BCL2L11: variants seen among roughly 807,000 people sequenced by gnomAD.
BCL2L11 encodes the protein bcl-2-like protein 11.
In BCL2L11, 15 loss-of-function variants were observed where a neutral mutation model predicts 20.6. The observed-to-expected ratio is 0.73, with a 90% CI of 0.49 to 1.12. BCL2L11 has a LOEUF of 1.12. Among genes scored for constraint, BCL2L11 ranks in the 50% most tolerant of loss-of-function variants. The pLI is 0.00. For missense variants in BCL2L11, 292 were observed against 260.9 expected (o/e 1.12, Z -0.82); for synonymous variants, 108 against 92.8 (o/e 1.16, Z -0.94).
chr2:111,122,302 A>C lies in BCL2L11; in HGVS notation c.-14+1114A>C, dbSNP rs1484334973. ...GCGGCGCAAGTCCTGCTTTGTCTCCAGGTGACTGGCTGTCCAGGACGGCGG... is the reference window on the plus strand; with the variant it reads ...GCGGCGCAAGTCCTGCTTTGTCTCCCGGTGACTGGCTGTCCAGGACGGCGG... On this transcript the variant is annotated intron_variant, in intron 1 of 3. Coordinates refer to ENST00000393256, the MANE Select transcript of BCL2L11 (RefSeq NM_138621.5). Among the ~76,000 whole-genome samples, 3 of 152,022 alleles carry C rather than the reference A, an allele frequency of 2.0e-5. No individual in the cohort carries two copies. In the East Asian group the frequency reaches 5.9e-4, roughly 30 times the overall value.
At chr2:111,160,897 G>A (rs10189017) in intron 3 of BCL2L11, among the ~76,000 whole-genome samples, 3,971 of 152,298 alleles carry the variant, frequency 0.026, 169 homozygotes, top group African/African-American at 0.089. Flanking sequence ...GTGAAAGTGT[G>A]TATTAGTCAG....
At chr2:111,155,735 C>T (rs1427625491) in intron 3 of BCL2L11, among the ~76,000 whole-genome samples, 3 of 152,180 alleles carry the variant, frequency 2.0e-5, no homozygotes, top group Admixed American at 2.0e-4. Context: ...GACAGCAGCA[C>T]ATGAAGCTGC....
At chr2:111,136,820 G>GT (rs753388948) in intron 2 of BCL2L11, among the ~76,000 whole-genome samples, 6 of 152,162 alleles carry the variant, frequency 3.9e-5, no homozygotes, top group Non-Finnish European at 7.3e-5. Flanking sequence ...TACCATAGCA[G>GT]TATCAGTTGG....
At chr2:111,162,268 G>C (rs983149861) in intron 3 of BCL2L11, among the ~76,000 whole-genome samples, 1 of 152,200 alleles carries the variant, frequency 6.6e-6, no homozygotes, top group Non-Finnish European at 1.5e-5. Context: ...GCTTAAAAGC[G>C]TGTGCCATGT....
At chr2:111,123,625 A>G (rs2071761740) in intron 1 of BCL2L11, 108 bp from the exon 2 acceptor site, 3 of 1,237,044 alleles carry the variant, frequency 2.4e-6, no homozygotes, top group Admixed American at 7.7e-5. Context: ...AGAACAAAGT[A>G]TTTGGGATTA....
chr2:111,125,422 T>A (rs1390613788), intron 2 of BCL2L11, among the ~76,000 whole-genome samples: 1 of 152,142 alleles, frequency 6.6e-6, no homozygotes, highest in African/African-American at 2.4e-5. Flanking sequence ...CCAGATTAGC[T>A]TGCCATACAT....
chr2:111,137,972 C>T lies in BCL2L11; in HGVS notation c.395-12072C>T, dbSNP rs192993648. Among the ~76,000 whole-genome samples the T allele has an allele frequency of 2.3e-3, 347 of 150,972 alleles. 3 individuals are homozygous for T. Among genetic ancestry groups the T allele is most frequent in the African/African-American group, 7.9e-3 (327 of 41,184 alleles). ...AGTGGGTATTGTTGTATTTTCGTTA[C>T]AGGTGGGCTTTTCTCCCTTTTTTCT... On this transcript the variant is annotated intron_variant, in intron 2 of 3. Transcript: ENST00000393256.
At chr2:111,158,190 G>C (rs2078112967) in intron 3 of BCL2L11, among the ~76,000 whole-genome samples, 1 of 152,218 alleles carries the variant, frequency 6.6e-6, no homozygotes, top group Non-Finnish European at 1.5e-5. Flanking sequence ...TCAACTGTGT[G>C]CTGGGCCTTT....
intron 2 of BCL2L11, among the ~76,000 whole-genome samples, chr2:111,143,790 A>C (rs887093695): frequency 6.6e-6 from 1 of 152,134 alleles, no homozygotes; most frequent in Non-Finnish European, 1.5e-5. Context: ...AAATATGTTA[A>C]TATGTGTGTC....
rs2150615780 is a variant in BCL2L11, at chr2:111,165,226, T to C, written c.*995T>C. The stretch of plus-strand genomic sequence containing the variant: ...TGCTACGCCCCTTTGTGCTGCTGGC[T>C]TTTCTGGTTGCAGGCTTTCCCATGG... On this transcript the variant is annotated 3_prime_UTR_variant, in exon 4 of 4. Transcript: ENST00000393256. 1.3e-5 allele frequency: 2 copies of C among 152,394 alleles called. No homozygotes were observed. Among genetic ancestry groups the C allele is most frequent in the Middle Eastern group, 3.4e-3 (1 of 294 alleles). 9.4% of individuals were successfully genotyped at this position (152,394 alleles called of 1,614,324 possible). A position where few individuals can be genotyped will look rare whatever the true frequency, so the allele number is the denominator to read the frequency against.
At chr2:111,146,009 C>G in intron 2 of BCL2L11, 1 of 980,526 alleles carries the variant, frequency 1.0e-6, no homozygotes, top group Non-Finnish European at 1.2e-6. Context: ...CTGCTACTTG[C>G]AGGATTGGAG....
At chr2:111,148,719 C>T (rs1336188144) in intron 2 of BCL2L11, among the ~76,000 whole-genome samples, 1 of 152,154 alleles carries the variant, frequency 6.6e-6, no homozygotes, top group African/African-American at 2.4e-5. Context: ...GTGTGTGTCC[C>T]TCTTACCCCA....
Position 111,120,920 on chromosome 2 carries a change from C to T in BCL2L11, c.-282C>T. 1 of 339,388 alleles carries T rather than the reference C, an allele frequency of 2.9e-6. No individual in the cohort carries two copies. Among genetic ancestry groups the T allele is most frequent in the Non-Finnish European group, 5.2e-6 (1 of 191,042 alleles). 21.0% of individuals were successfully genotyped at this position (339,388 alleles called of 1,614,324 possible). ...GCAGGGCCGCGCAGGTTTCACTTCG[C>T]TCCGCGCAGCCGCCTGGTCTGCAGT... On this transcript the variant is annotated 5_prime_UTR_variant, in exon 1 of 4. Transcript: ENST00000393256.
intron 2 of BCL2L11, among the ~76,000 whole-genome samples, chr2:111,140,383 G>T (rs1272307234): frequency 6.6e-6 from 1 of 152,152 alleles, no homozygotes; most frequent in Non-Finnish European, 1.5e-5. Context: ...TTGTATTCCT[G>T]GGTCATAACA....
intron 3 of BCL2L11, chr2:111,154,009 G>GT: frequency 8.1e-7 from 1 of 1,235,210 alleles, no homozygotes; most frequent in South Asian, 2.2e-5. Context: ...TTCAGTCGGA[G>GT]TTTTACTACT....
intron 3 of BCL2L11, among the ~76,000 whole-genome samples, chr2:111,162,349 C>T (rs974121613): frequency 2.6e-5 from 4 of 152,236 alleles, no homozygotes; most frequent in African/African-American, 7.2e-5. Context: ...AGCATCTTCT[C>T]ATGAGTCAGG....
intron 1 of BCL2L11, chr2:111,122,705 C>T (rs1169776652): frequency 3.1e-6 from 3 of 981,920 alleles, no homozygotes; most frequent in South Asian, 9.1e-5. Flanking sequence ...GCGCGGCGTG[C>T]GGAGCCCTCG....
intron 2 of BCL2L11, chr2:111,142,163 G>A: frequency 2.9e-6 from 2 of 698,072 alleles, no homozygotes; most frequent in South Asian, 3.6e-5. Context: ...CCAGAACACA[G>A]TCTTTCAGCA....
intron 2 of BCL2L11, chr2:111,128,826 A>C: frequency 1.4e-6 from 2 of 1,459,302 alleles, no homozygotes; most frequent in African/African-American, 2.9e-5. Flanking sequence ...GTGATTAAAT[A>C]AAATGTATTT....
Sources: allele counts gnomAD v4.1 joint callset (sites outside exome capture counted in the v4.1 genomes callset), GRCh38; gene constraint gnomAD v4.1.1; transcripts MANE v1.5; gene names NCBI Gene and HGNC (gene_info 2026-07-23, HGNC 2026-07-21).